NTRK3: variants seen among roughly 807,000 people sequenced by gnomAD.
NTRK3 encodes the protein neurotrophic receptor tyrosine kinase 3.
NTRK3 carries 24 observed loss-of-function variants against 91.7 expected under a neutral mutation model. That is an observed-to-expected ratio of 0.26 (90% CI 0.19 to 0.37). NTRK3 has a LOEUF of 0.37. NTRK3 is among the 10% of genes least tolerant of loss of function. The pLI, the probability that NTRK3 is intolerant of heterozygous loss-of-function variation, is 1.00. For missense variants in NTRK3, 880 were observed against 1,068.9 expected (o/e 0.82, Z 2.46); for synonymous variants, 483 against 404.0 (o/e 1.20, Z -2.34).
At chr15:88,082,707 T>A (rs1036335827) in intron 13 of NTRK3, among the ~76,000 whole-genome samples, 20 of 152,354 alleles carry the variant, frequency 1.3e-4, no homozygotes, top group African/African-American at 4.8e-4. Context: ...ATGTAGTGAT[T>A]CCTACTCTAG....
At chr15:88,168,846 G>T (rs989265520) in intron 5 of NTRK3, among the ~76,000 whole-genome samples, 1 of 152,342 alleles carries the variant, frequency 6.6e-6, no homozygotes, top group African/African-American at 2.4e-5. Context: ...AGAGGCTGTT[G>T]TCACTCAAAG....
chr15:88,230,253 A>T (rs1272848714), intron 3 of NTRK3, among the ~76,000 whole-genome samples: 1 of 152,274 alleles, frequency 6.6e-6, no homozygotes, highest in East Asian at 1.9e-4. Context: ...GTTGTCAGTC[A>T]TCATCATCAC....
chr15:87,964,785 A>G (rs546080016), intron 14 of NTRK3, among the ~76,000 whole-genome samples: 3 of 152,294 alleles, frequency 2.0e-5, no homozygotes, highest in African/African-American at 7.2e-5. Flanking sequence ...TTTCTCTGAG[A>G]TTCATTCATG....
intron 14 of NTRK3, among the ~76,000 whole-genome samples, chr15:88,006,776 C>G (rs1316863195): frequency 6.6e-6 from 1 of 152,230 alleles, no homozygotes; most frequent in Non-Finnish European, 1.5e-5. Flanking sequence ...AGGCACACAG[C>G]TGGGCTTCCA....
chr15:88,256,307 T>G, exon 2 of NTRK3: 1 of 678,040 alleles, frequency 1.5e-6, no homozygotes, highest in Non-Finnish European at 2.7e-6. Context: ...AGCGATCAGA[T>G]GCAAAATCCT....
chr15:87,942,265 G>T lies in NTRK3; in HGVS notation c.1586-1512C>A, dbSNP rs116926207. On this transcript the variant is annotated intron_variant, in intron 14 of 18. Transcript: ENST00000394480. ...TGCACGTTAACAGCTGCTGACGACC[G>T]CTCCTCCCAAGCCACAGGCTGCAAT... Among the ~76,000 whole-genome samples the T allele has an allele frequency of 9.8e-3, 1,487 of 152,296 alleles. 12 individuals carry two copies. The highest frequency in any genetic ancestry group is 0.017 in the Non-Finnish European group (1,142 of 68,022).
intron 13 of NTRK3, among the ~76,000 whole-genome samples, chr15:88,095,933 A>G (rs2150811549): frequency 6.6e-6 from 1 of 152,332 alleles, no homozygotes; most frequent in East Asian, 1.9e-4. Flanking sequence ...CAGAAAGCCC[A>G]ATCTCCTTCT....
intron 3 of NTRK3, among the ~76,000 whole-genome samples, chr15:88,244,743 C>G (rs2052667632): frequency 6.6e-6 from 1 of 152,200 alleles, no homozygotes; most frequent in Admixed American, 6.5e-5. Context: ...TTTAGGTCAT[C>G]CTATCCCATT....
At chr15:88,127,031 G>T in intron 12 of NTRK3, 131 bp downstream of exon 12, 2 of 807,934 alleles carry the variant, frequency 2.5e-6, no homozygotes, top group Non-Finnish European at 4.2e-6. Flanking sequence ...CTGCCTGAAC[G>T]TAGTTCAATT....
chr15:88,060,043 G>A (rs2046070485), intron 13 of NTRK3, among the ~76,000 whole-genome samples: 2 of 152,274 alleles, frequency 1.3e-5, no homozygotes, highest in South Asian at 4.2e-4. Context: ...GGAAGGTCAT[G>A]GAAGCCTCCT....
chr15:88,137,755 T>A (rs546690365), intron 6 of NTRK3, among the ~76,000 whole-genome samples, 194 bp from the exon 7 acceptor site: 20 of 152,144 alleles, frequency 1.3e-4, no homozygotes, highest in Admixed American at 2.6e-4. Context: ...ACTCATTTTT[T>A]TAAAAAAAGA....
At chr15:88,027,092 A>G (rs985689110) in intron 14 of NTRK3, among the ~76,000 whole-genome samples, 1 of 152,116 alleles carries the variant, frequency 6.6e-6, no homozygotes, top group African/African-American at 2.4e-5. Flanking sequence ...CTTGCTGAGT[A>G]TATGTCAATC....
At chr15:88,031,821 C>T (rs1035866363) in intron 14 of NTRK3, among the ~76,000 whole-genome samples, 9 of 152,116 alleles carry the variant, frequency 5.9e-5, no homozygotes, top group Non-Finnish European at 7.3e-5. Context: ...GACTGTACTC[C>T]AAGTACAGAG....
chr15:88,131,452 G>A (rs1413162891), intron 10 of NTRK3, among the ~76,000 whole-genome samples: 3 of 152,116 alleles, frequency 2.0e-5, no homozygotes, highest in Non-Finnish European at 2.9e-5. Flanking sequence ...TTGTTTTGGG[G>A]GATGGTCACA....
chr15:88,129,992 G>A (rs993855634), intron 10 of NTRK3, among the ~76,000 whole-genome samples: 2 of 152,158 alleles, frequency 1.3e-5, no homozygotes, highest in East Asian at 1.9e-4. Context: ...CACGCACAGA[G>A]GGAAAATCAC....
At chr15:88,082,093 G>A (rs1041427092) in intron 13 of NTRK3, among the ~76,000 whole-genome samples, 5 of 152,006 alleles carry the variant, frequency 3.3e-5, no homozygotes, top group African/African-American at 2.4e-5. Context: ...TGACTAACAC[G>A]GTGAAACCCC....
chr15:88,092,090 G>C (rs886546142), intron 13 of NTRK3, among the ~76,000 whole-genome samples: 1 of 152,198 alleles, frequency 6.6e-6, no homozygotes, highest in Non-Finnish European at 1.5e-5. Flanking sequence ...TTACATAGGT[G>C]CAGCAGCACC....
chr15:87,929,635 T>C (rs756537131), intron 16 of NTRK3, among the ~76,000 whole-genome samples: 4 of 152,200 alleles, frequency 2.6e-5, no homozygotes, highest in Non-Finnish European at 5.9e-5. Flanking sequence ...AACCAGATTC[T>C]GGCTAAGATG....
At chr15:88,022,667 G>A (rs976033982) in intron 14 of NTRK3, among the ~76,000 whole-genome samples, 1 of 152,062 alleles carries the variant, frequency 6.6e-6, no homozygotes, top group African/African-American at 2.4e-5. Context: ...CAGCTTTTGG[G>A]TGCAGCTTCC....
Sources: allele counts gnomAD v4.1 joint callset (sites outside exome capture counted in the v4.1 genomes callset), GRCh38; gene constraint gnomAD v4.1.1; transcripts MANE v1.5; gene names NCBI Gene and HGNC (gene_info 2026-07-23, HGNC 2026-07-21).